The following RBMS1 variants were observed in gnomAD, a reference collection of about 807,000 sequenced individuals.
RBMS1 encodes RNA-binding motif, single-stranded-interacting protein 1.
In RBMS1, 17 loss-of-function variants were observed where a neutral mutation model predicts 62.3. That is an observed-to-expected ratio of 0.27 (90% CI 0.19 to 0.41). RBMS1 has a LOEUF of 0.41. Among genes scored for constraint, RBMS1 ranks in the 10% least tolerant of loss-of-function variants. RBMS1 has a pLI of 1.00. For missense variants in RBMS1, 334 were observed against 504.5 expected (o/e 0.66, Z 3.24); for synonymous variants, 172 against 170.0 (o/e 1.01, Z -0.09).
intron 2 of RBMS1, among the ~76,000 whole-genome samples, chr2:160,359,437 T>C (rs1693000439): frequency 6.6e-6 from 1 of 152,208 alleles, no homozygotes; most frequent in Non-Finnish European, 1.5e-5. Context: ...CATTTGACCT[T>C]GGGTCCCCTA....
intron 2 of RBMS1, among the ~76,000 whole-genome samples, chr2:160,352,796 A>G (rs1692589410): frequency 1.3e-5 from 2 of 152,138 alleles, no homozygotes; most frequent in Non-Finnish European, 2.9e-5. Flanking sequence ...AGACAGCTGT[A>G]TAATACTAAA....
intron 1 of RBMS1, among the ~76,000 whole-genome samples, chr2:160,451,391 A>G (rs962942829): frequency 4.6e-5 from 7 of 152,210 alleles, no homozygotes; most frequent in Non-Finnish European, 7.4e-5. Flanking sequence ...TGATAAATGA[A>G]ATAAAGAAGC....
At position 160,274,521 on chromosome 2, in the gene RBMS1, T is replaced by C; in HGVS notation, c.*251A>G. On this transcript the variant is annotated 3_prime_UTR_variant, in exon 14 of 14. Coordinates refer to ENST00000348849, the MANE Select transcript of RBMS1 (RefSeq NM_016836.4). ...TTTGATAAAAATCTTTTGTTTTTGT[T>C]TTTTGTTTTTTTTTTTTTACTAAAA... 7.5e-6 allele frequency: 1 copy of C among 132,736 alleles called. No homozygotes were observed. Among genetic ancestry groups the C allele is most frequent in the East Asian group, 2.4e-4 (1 of 4,102 alleles). The allele number at this position is 132,736 out of a possible 1,614,324, so 8.2% of individuals were successfully genotyped here.
At chr2:160,340,846 A>G (rs550121102) in intron 2 of RBMS1, among the ~76,000 whole-genome samples, 38 of 152,258 alleles carry the variant, frequency 2.5e-4, no homozygotes, top group African/African-American at 6.5e-4. Flanking sequence ...CTATTGTAAA[A>G]CTCATGTAAG....
chr2:160,365,448 G>C (rs932344055), intron 2 of RBMS1, among the ~76,000 whole-genome samples: 2 of 151,872 alleles, frequency 1.3e-5, no homozygotes, highest in African/African-American at 2.4e-5. Context: ...ATGTCAAAGA[G>C]AACAACAAAA....
chr2:160,402,495 C>CTT (rs1358536217), intron 1 of RBMS1, among the ~76,000 whole-genome samples: 1 of 152,136 alleles, frequency 6.6e-6, no homozygotes, highest in African/African-American at 2.4e-5. Context: ...AAATCTGGGA[C>CTT]ATACTTATAC....
chr2:160,293,342 G>A (rs1688775069), intron 6 of RBMS1, among the ~76,000 whole-genome samples: 1 of 152,072 alleles, frequency 6.6e-6, no homozygotes, highest in African/African-American at 2.4e-5. Flanking sequence ...GTGGGCAAGA[G>A]CGGTTTTCAA....
intron 1 of RBMS1, among the ~76,000 whole-genome samples, chr2:160,429,583 C>A (rs569012922): frequency 2.0e-5 from 3 of 152,194 alleles, no homozygotes; most frequent in East Asian, 3.9e-4. Flanking sequence ...GGGAATATAT[C>A]TTTTCCTTCA....
At chr2:160,351,740 T>A (rs1038604495) in intron 2 of RBMS1, among the ~76,000 whole-genome samples, 9 of 152,064 alleles carry the variant, frequency 5.9e-5, no homozygotes, top group African/African-American at 1.9e-4. Flanking sequence ...TCCTTTCCAA[T>A]GGAAATGCAT....
At chr2:160,448,690 G>A (rs1181435178) in intron 1 of RBMS1, among the ~76,000 whole-genome samples, 5 of 152,214 alleles carry the variant, frequency 3.3e-5, no homozygotes, top group Non-Finnish European at 7.3e-5. Flanking sequence ...AAAGTGCCGA[G>A]ATTGCAGCCT....
At chr2:160,329,804 A>G (rs1316221743) in intron 2 of RBMS1, among the ~76,000 whole-genome samples, 1 of 151,874 alleles carries the variant, frequency 6.6e-6, no homozygotes, top group East Asian at 1.9e-4. Context: ...GATTGTCAGT[A>G]AGCATTTACC....
Position 160,405,752 on chromosome 2 carries a change from C to G in RBMS1, c.76-38361G>C, listed in dbSNP as rs757120281. 5.3e-5 allele frequency among the ~76,000 whole-genome samples: 8 copies of G among 152,340 alleles called. No homozygotes were observed. The East Asian group carries it at 7.7e-4, about 15-fold the overall frequency. On this transcript the variant is annotated intron_variant, in intron 1 of 13. Coordinates refer to ENST00000348849, the MANE Select transcript of RBMS1 (RefSeq NM_016836.4). The stretch of plus-strand genomic sequence containing the variant: ...TGCTCCAGACCAGCAGGCTACCCCC[C>G]TTCACACACAAAACCTCCAGCCCCT...
At chr2:160,488,758 A>T (rs1006014327) in intron 1 of RBMS1, among the ~76,000 whole-genome samples, 8 of 152,200 alleles carry the variant, frequency 5.3e-5, no homozygotes, top group Admixed American at 3.3e-4. Flanking sequence ...TTTAGATTGC[A>T]TAAAACACTT....
chr2:160,473,505 G>A (rs959768571), intron 1 of RBMS1, among the ~76,000 whole-genome samples: 1 of 152,076 alleles, frequency 6.6e-6, no homozygotes, highest in Non-Finnish European at 1.5e-5. Context: ...TGATTAAGGA[G>A]GAAGGAAAGG....
chr2:160,299,890 A>C (rs1689124115), intron 6 of RBMS1, among the ~76,000 whole-genome samples: 2 of 152,192 alleles, frequency 1.3e-5, no homozygotes, highest in African/African-American at 4.8e-5. Flanking sequence ...ATTAAGCTGA[A>C]GACATTTAAT....
At chr2:160,409,957 G>A (rs1695957118) in intron 1 of RBMS1, among the ~76,000 whole-genome samples, 1 of 152,036 alleles carries the variant, frequency 6.6e-6, no homozygotes, top group African/African-American at 2.4e-5. Context: ...GGCCGGGCAC[G>A]GTGGCTCACG....
In RBMS1 at chr2:160,480,061, T is replaced by A. The variant is rs149088989; in HGVS notation, c.75+13228A>T. On this transcript the variant is annotated intron_variant, in intron 1 of 13. Transcript: ENST00000348849. ...GAAGCCCATTGAGCAGCATGTTTTATTGCTTAGAAGTTGGTATCTAAGCAG... is the reference window on the plus strand; with the variant it reads ...GAAGCCCATTGAGCAGCATGTTTTAATGCTTAGAAGTTGGTATCTAAGCAG... Among the ~76,000 whole-genome samples, 11 of 152,304 alleles carry A rather than the reference T, an allele frequency of 7.2e-5. No individual in the cohort carries two copies. The East Asian group carries it at 1.9e-3, about 27-fold the overall frequency.
intron 2 of RBMS1, among the ~76,000 whole-genome samples, chr2:160,340,902 C>T (rs1422040152): frequency 2.0e-5 from 3 of 152,142 alleles, no homozygotes; most frequent in Non-Finnish European, 4.4e-5. Context: ...AAATACCCAA[C>T]TTTTATAGAC....
rs1685961617 is a variant in RBMS1, at chr2:160,493,542, T to TCTTCCTCCTCC, written c.-180_-179insGGAGGAGGAAG. 1 of 426,248 alleles carries TCTTCCTCCTCC rather than the reference T, an allele frequency of 2.3e-6. No homozygotes were observed. Among genetic ancestry groups the TCTTCCTCCTCC allele is most frequent in the African/African-American group, 2.6e-5 (1 of 37,736 alleles). The allele number at this position is 426,248 out of a possible 1,614,324, so 26.4% of individuals were successfully genotyped here. A position where few individuals can be genotyped will look rare whatever the true frequency, so the allele number is the denominator to read the frequency against. On this transcript the variant is annotated 5_prime_UTR_variant, in exon 1 of 14. Coordinates refer to ENST00000348849, the MANE Select transcript of RBMS1 (RefSeq NM_016836.4). ...AGACGTCCTCCTCCTCCTCCTCCTC[T>TCTTCCTCCTCC]TCCTCCTCCTCCTCCTCCTCCTCCT...
Sources: allele counts gnomAD v4.1 joint callset (sites outside exome capture counted in the v4.1 genomes callset), GRCh38; gene constraint gnomAD v4.1.1; transcripts MANE v1.5; gene names NCBI Gene and HGNC (gene_info 2026-07-23, HGNC 2026-07-21).